Variants in ITGA6 observed in about 807,000 individuals in gnomAD.
ITGA6 encodes the protein integrin alpha-6.
In ITGA6, 63 loss-of-function variants were observed where a neutral mutation model predicts 133.6. The observed-to-expected ratio is 0.47, with a 90% CI of 0.38 to 0.58. ITGA6 has a LOEUF of 0.58. ITGA6 is among the 20% of genes least tolerant of loss of function. The pLI is 0.00. For missense variants in ITGA6, 1,068 were observed against 1,309.4 expected (o/e 0.82, Z 2.85); for synonymous variants, 434 against 482.0 (o/e 0.90, Z 1.30).
chr2:172,451,121 C>G (rs1335531755), intron 1 of ITGA6, among the ~76,000 whole-genome samples: 8 of 150,960 alleles, frequency 5.3e-5, no homozygotes, highest in Non-Finnish European at 1.2e-4. Context: ...CACCACTGCA[C>G]TCCAGCCTGG....
chr2:172,490,523 T>C (rs1255277790), intron 20 of ITGA6, among the ~76,000 whole-genome samples: 1 of 152,262 alleles, frequency 6.6e-6, no homozygotes, highest in Admixed American at 6.5e-5. Flanking sequence ...TACTAATCTT[T>C]GCTATAAGGA....
chr2:172,440,513 C>A (rs1684496641), intron 1 of ITGA6, among the ~76,000 whole-genome samples: 1 of 152,036 alleles, frequency 6.6e-6, no homozygotes, highest in Non-Finnish European at 1.5e-5. Flanking sequence ...TATTATGAGG[C>A]CATAAAGTAT....
intron 1 of ITGA6, among the ~76,000 whole-genome samples, chr2:172,455,273 G>A (rs1029340559): frequency 3.3e-5 from 5 of 152,342 alleles, no homozygotes; most frequent in Admixed American, 3.3e-4. Context: ...GACCTCTGGT[G>A]CCTGCTTTGC....
intron 1 of ITGA6, among the ~76,000 whole-genome samples, chr2:172,442,141 C>G (rs758839391): frequency 6.6e-6 from 1 of 152,154 alleles, no homozygotes; most frequent in African/African-American, 2.4e-5. Flanking sequence ...CCAACCCCTG[C>G]GTCATGTTTC....
intron 1 of ITGA6, among the ~76,000 whole-genome samples, chr2:172,443,720 G>A (rs753580452): frequency 2.0e-5 from 3 of 152,234 alleles, no homozygotes; most frequent in African/African-American, 4.8e-5. Flanking sequence ...GTAAGATTGC[G>A]TATAGTGTTT....
chr2:172,481,207 G>C (rs746864770), intron 11 of ITGA6, among the ~76,000 whole-genome samples: 54 of 152,152 alleles, frequency 3.5e-4, no homozygotes, highest in Non-Finnish European at 7.4e-4. Context: ...CCTCTGAAGT[G>C]TTCTCCCTGT....
intron 11 of ITGA6, among the ~76,000 whole-genome samples, chr2:172,483,100 A>C (rs977969411): frequency 6.6e-6 from 1 of 152,150 alleles, no homozygotes; most frequent in African/African-American, 2.4e-5. Flanking sequence ...TAGGATCGCG[A>C]AGAGAGGCCA....
At chr2:172,440,063 A>C (rs767563481) in intron 1 of ITGA6, among the ~76,000 whole-genome samples, 7 of 152,232 alleles carry the variant, frequency 4.6e-5, no homozygotes, top group Admixed American at 1.3e-4. Flanking sequence ...CTTCAGGTCA[A>C]CATTGGTCAG....
chr2:172,473,564 CT>C (rs766776268), intron 5 of ITGA6, among the ~76,000 whole-genome samples: 16 of 152,190 alleles, frequency 1.1e-4, no homozygotes, highest in Non-Finnish European at 2.4e-4. Flanking sequence ...AGCTTAATTA[CT>C]TTTTCTTCAA....
At chr2:172,438,756 CTT>C (rs141195656) in intron 1 of ITGA6, among the ~76,000 whole-genome samples, 11,792 of 151,724 alleles carry the variant, frequency 0.078, 644 homozygotes, top group East Asian at 0.26. Flanking sequence ...TTGTAGCTCT[CTT>C]ATCTTTTCAG....
chr2:172,487,744 T>A lies in ITGA6; in HGVS notation c.2261T>A (p.Val754Asp). ...KRNSNVTFYL[V>D]LSTTEVTFDT... The stretch of plus-strand genomic sequence containing the variant: ...TTTTTTTAGGTCACTTTTTATTTGG[T>A]TTTAAGTACAACTGAAGTCACCTTT... The change falls in exon 17 of 26, where the codon GTT becomes GAT. Residue 754 changes from valine to aspartate, a missense_variant. Val to Asp is a radical substitution (Grantham distance 152). This residue lies in a region of ITGA6 where 609 missense variants were observed against 707.2 expected (regional missense o/e 0.86). Transcript: ENST00000684293. 15 of 1,612,584 alleles carry A rather than the reference T, an allele frequency of 9.3e-6. No individual in the cohort carries two copies. The highest frequency in any genetic ancestry group is 1.3e-5 in the Non-Finnish European group (15 of 1,178,652).
At position 172,427,605 on chromosome 2, in the gene ITGA6, C is replaced by T; in HGVS notation, c.-184C>T. 7.8e-7 allele frequency: 1 copy of T among 1,275,446 alleles called. No individual in the cohort carries two copies. 79.0% of individuals were successfully genotyped at this position (1,275,446 alleles called of 1,614,324 possible). A position where few individuals can be genotyped will look rare whatever the true frequency, so the allele number is the denominator to read the frequency against. Reference sequence around the variant, plus strand: ...GAGAACAACGGGCTCATTCAGCGGTCGCGAGCTGCCCGCGAGGGGGAGCGG... The same window carrying T: ...GAGAACAACGGGCTCATTCAGCGGTTGCGAGCTGCCCGCGAGGGGGAGCGG... On this transcript the variant is annotated 5_prime_UTR_variant, in exon 1 of 26. Transcript: ENST00000684293.
intron 11 of ITGA6, among the ~76,000 whole-genome samples, chr2:172,482,450 C>G (rs180922412): frequency 6.6e-6 from 1 of 152,260 alleles, no homozygotes; most frequent in Admixed American, 6.5e-5. Flanking sequence ...ATATAGATAT[C>G]TATAATTGAG....
At chr2:172,433,395 A>AGT (rs990171296) in intron 1 of ITGA6, among the ~76,000 whole-genome samples, 16 of 152,286 alleles carry the variant, frequency 1.1e-4, no homozygotes, top group African/African-American at 3.8e-4. Context: ...CAGAAGGCAG[A>AGT]GTGTAATGTA....
chr2:172,504,400 T>C lies in ITGA6; in HGVS notation c.*332T>C, dbSNP rs763293683. ...ACGAACCTACAGTTTTAACTGTGGATATTGTTACGTAGCCTAAGGCTCCTG... is the reference window on the plus strand; with the variant it reads ...ACGAACCTACAGTTTTAACTGTGGACATTGTTACGTAGCCTAAGGCTCCTG... On this transcript the variant is annotated 3_prime_UTR_variant, in exon 26 of 26. Coordinates refer to ENST00000684293, the MANE Select transcript of ITGA6 (RefSeq NM_000210.4). 2.0e-5 allele frequency: 11 copies of C among 537,796 alleles called. No individual in the cohort carries two copies. Among genetic ancestry groups the C allele is most frequent in the Non-Finnish European group, 3.5e-5 (11 of 311,276 alleles). The allele number at this position is 537,796 out of a possible 1,614,324, so 33.3% of individuals were successfully genotyped here. A position where few individuals can be genotyped will look rare whatever the true frequency, so the allele number is the denominator to read the frequency against.
chr2:172,493,686 A>C (rs1311401055), intron 23 of ITGA6, among the ~76,000 whole-genome samples: 1 of 152,168 alleles, frequency 6.6e-6, no homozygotes, highest in Admixed American at 6.5e-5. Context: ...TGGTCCCCTT[A>C]AAGTCCCCAA....
intron 5 of ITGA6, among the ~76,000 whole-genome samples, chr2:172,471,447 G>A (rs1024597639): frequency 6.6e-6 from 1 of 152,188 alleles, no homozygotes; most frequent in Non-Finnish European, 1.5e-5. Flanking sequence ...ACATGCATGG[G>A]TGTTCACAGT....
intron 12 of ITGA6, 72 bp downstream of exon 12, chr2:172,485,014 T>C (rs1355858704): frequency 6.3e-7 from 1 of 1,599,252 alleles, no homozygotes; most frequent in Non-Finnish European, 8.6e-7. Flanking sequence ...TATACAGATT[T>C]CTGAAATTTA....
chr2:172,435,591 G>T (rs150313556), intron 1 of ITGA6, among the ~76,000 whole-genome samples: 1 of 148,042 alleles, frequency 6.8e-6, no homozygotes, highest in African/African-American at 2.5e-5. Context: ...GCTTTGCCAC[G>T]ACACAAAACC....
Sources: allele counts gnomAD v4.1 joint callset (sites outside exome capture counted in the v4.1 genomes callset), GRCh38; gene constraint gnomAD v4.1.1; regional missense constraint gnomAD v4.1.1; transcripts MANE v1.5; gene names NCBI Gene and HGNC (gene_info 2026-07-23, HGNC 2026-07-21).